GRM3: variants seen among roughly 807,000 people sequenced by gnomAD.
The protein encoded by GRM3 is glutamate metabotropic receptor 3.
In GRM3, 26 loss-of-function variants were observed where a neutral mutation model predicts 70.5. The observed-to-expected ratio is 0.37, with a 90% CI of 0.27 to 0.51. GRM3 has a LOEUF of 0.51. Among genes scored for constraint, GRM3 ranks in the 20% least tolerant of loss-of-function variants. GRM3 has a pLI of 0.93. For synonymous variants in GRM3, 443 were observed against 434.9 expected, an observed-to-expected ratio of 1.02 and a Z score of -0.23; for missense variants, 859 against 1,123.8, an observed-to-expected ratio of 0.76 and a Z score of 3.37.
At chr7:86,737,420 G>A (rs1170302521) in intron 1 of GRM3, among the ~76,000 whole-genome samples, 2 of 152,152 alleles carry the variant, frequency 1.3e-5, no homozygotes, top group African/African-American at 4.8e-5. Context: ...ATGCTATGCT[G>A]TTTCTGGAAC....
At chr7:86,686,831 AAAATAT>A (rs1794580334) in intron 1 of GRM3, among the ~76,000 whole-genome samples, 1 of 152,032 alleles carries the variant, frequency 6.6e-6, no homozygotes, top group Non-Finnish European at 1.5e-5. Flanking sequence ...TTAAAATTAT[AAAATAT>A]ATTTTTAAAT....
intron 1 of GRM3, among the ~76,000 whole-genome samples, chr7:86,698,539 A>ATATATATAT (rs1562829891): frequency 1.4e-5 from 2 of 139,648 alleles, no homozygotes; most frequent in African/African-American, 6.0e-5. Flanking sequence ...TATATATATA[A>ATATATATAT]AATACACATT....
chr7:86,842,454 C>T (rs1798575555), intron 4 of GRM3, among the ~76,000 whole-genome samples: 1 of 152,202 alleles, frequency 6.6e-6, no homozygotes, highest in Non-Finnish European at 1.5e-5. Flanking sequence ...CTATCTCCCA[C>T]TGATCTCTGA....
intron 1 of GRM3, among the ~76,000 whole-genome samples, chr7:86,688,088 CTG>C (rs1237802154): frequency 1.3e-5 from 2 of 151,530 alleles, no homozygotes; most frequent in Non-Finnish European, 3.0e-5. Flanking sequence ...GCATTTCACT[CTG>C]TTTAAGTATA....
intron 1 of GRM3, among the ~76,000 whole-genome samples, chr7:86,668,065 G>A (rs951075120): frequency 3.3e-5 from 5 of 152,120 alleles, no homozygotes; most frequent in Non-Finnish European, 5.9e-5. Flanking sequence ...TCCAGTTTAT[G>A]GATATGAATT....
intron 3 of GRM3, among the ~76,000 whole-genome samples, chr7:86,809,464 A>T (rs944353705): frequency 6.6e-6 from 1 of 151,986 alleles, no homozygotes; most frequent in Non-Finnish European, 1.5e-5. Flanking sequence ...TCACAGCAAA[A>T]TGTCTCTAAT....
intron 2 of GRM3, among the ~76,000 whole-genome samples, chr7:86,769,512 G>A (rs1483058892): frequency 2.6e-5 from 4 of 152,054 alleles, no homozygotes; most frequent in Non-Finnish European, 1.5e-5. Flanking sequence ...TCCTTTCTCT[G>A]CTGAATTGCT....
At chr7:86,653,625 A>G (rs1268914799) in intron 1 of GRM3, among the ~76,000 whole-genome samples, 1 of 152,044 alleles carries the variant, frequency 6.6e-6, no homozygotes, top group Non-Finnish European at 1.5e-5. Context: ...AATAATACAC[A>G]TCTTTTGGAT....
At chr7:86,746,146 T>C (rs1796096126) in intron 1 of GRM3, among the ~76,000 whole-genome samples, 1 of 151,688 alleles carries the variant, frequency 6.6e-6, no homozygotes. Flanking sequence ...ACTTCCTAAG[T>C]AGATTTTTCT....
intron 1 of GRM3, among the ~76,000 whole-genome samples, chr7:86,655,705 A>C (rs2115803143): frequency 6.6e-6 from 1 of 152,186 alleles, no homozygotes; most frequent in East Asian, 1.9e-4. Context: ...TACTAACTCA[A>C]GTTCTGAATC....
Position 86,644,643 on chromosome 7 carries a change from C to CGGGAGG in GRM3, c.-366_-361dup. ...ACCGGGCAGTGGTCCAGCGTGCAGC[C>CGGGAGG]GGGAGGGGGCAGGGGCAGGGGGCAC... On this transcript the variant is annotated 5_prime_UTR_variant, in exon 1 of 6. Coordinates refer to ENST00000361669, the MANE Select transcript of GRM3 (RefSeq NM_000840.3). The CGGGAGG allele has an allele frequency of 2.0e-6, 1 of 494,948 alleles. No homozygotes were observed. The highest frequency in any genetic ancestry group is 3.8e-6 in the Non-Finnish European group (1 of 264,870). 30.7% of individuals were successfully genotyped at this position (494,948 alleles called of 1,614,324 possible).
chr7:86,832,329 C>T (rs957212880), intron 3 of GRM3, among the ~76,000 whole-genome samples: 1 of 148,684 alleles, frequency 6.7e-6, no homozygotes, highest in African/African-American at 2.5e-5. Context: ...CAGCTCACTG[C>T]AACCCCTGCC....
At chr7:86,841,949 A>T (rs1798566570) in intron 4 of GRM3, among the ~76,000 whole-genome samples, 1 of 152,202 alleles carries the variant, frequency 6.6e-6, no homozygotes, top group Non-Finnish European at 1.5e-5. Flanking sequence ...TAAGGTATCC[A>T]GTGATGCTAA....
intron 1 of GRM3, among the ~76,000 whole-genome samples, chr7:86,648,037 G>T (rs1052568514): frequency 3.3e-5 from 5 of 152,074 alleles, no homozygotes; most frequent in African/African-American, 1.2e-4. Flanking sequence ...TCATCCTCTT[G>T]TCTGATTCAG....
chr7:86,856,296 A>C (rs1798843760), intron 5 of GRM3, among the ~76,000 whole-genome samples: 1 of 151,894 alleles, frequency 6.6e-6, no homozygotes, highest in Non-Finnish European at 1.5e-5. Flanking sequence ...AAATACAAAA[A>C]TTAGCCAGGC....
At chr7:86,825,496 A>T (rs1798213999) in intron 3 of GRM3, among the ~76,000 whole-genome samples, 2 of 152,214 alleles carry the variant, frequency 1.3e-5, no homozygotes, top group South Asian at 4.1e-4. Flanking sequence ...TGACAACTTA[A>T]CAATAGACCA....
rs1274718835 is a variant in GRM3, at chr7:86,786,462, G to C, written c.670G>C (p.Glu224Gln). ...AGTAGCCTCCGAGGGTGATTACGGG[G>C]AGACAGGGATCGAGGCCTTCGAGCA... ...STVASEGDYG[E>Q]TGIEAFEQEA... Residue 224 changes from glutamate to glutamine, a missense_variant, in exon 3 of 6, where the codon GAG becomes CAG. Transcript: ENST00000361669. The surrounding 1 kb of genome is among the most constrained non-coding windows in gnomAD (Gnocchi z 6.0). 6.2e-7 allele frequency: 1 copy of C among 1,614,256 alleles called. No homozygotes were observed. Among genetic ancestry groups the C allele is most frequent in the African/African-American group, 1.3e-5 (1 of 75,076 alleles).
chr7:86,833,274 A>G (rs1182011698), intron 3 of GRM3: 2 of 150,140 alleles, frequency 1.3e-5, no homozygotes, highest in African/African-American at 4.9e-5. Flanking sequence ...GAGGGATAGC[A>G]CTGGGAGATA....
intron 5 of GRM3, among the ~76,000 whole-genome samples, chr7:86,856,490 T>C (rs1006154915): frequency 1.3e-5 from 2 of 148,206 alleles, no homozygotes; most frequent in Non-Finnish European, 3.0e-5. Flanking sequence ...AAAAGATAAC[T>C]ATTGGGTACT....
Sources: gnomAD v4.1 joint callset for allele counts (sites outside exome capture counted in the v4.1 genomes callset) on GRCh38, gnomAD v4.1.1 for gene constraint, Gnocchi (gnomAD v3.1) non-coding constraint, MANE v1.5 for transcripts, NCBI Gene and HGNC (gene_info 2026-07-23, HGNC 2026-07-21) for gene names.